USP6NL: variants seen among roughly 807,000 people sequenced by gnomAD.
USP6NL encodes USP6 N-terminal-like protein.
USP6NL carries 26 observed loss-of-function variants against 61.9 expected under a neutral mutation model. The ratio of observed to expected loss-of-function variants is 0.42; its 90% confidence interval spans 0.31 to 0.58. The LOEUF is 0.58. Among genes scored for constraint, USP6NL ranks in the 20% least tolerant of loss-of-function variants. The pLI is 0.16. For missense variants in USP6NL, 1,114 were observed against 1,034.3 expected (o/e 1.08, Z -1.06); for synonymous variants, 432 against 390.1 (o/e 1.11, Z -1.27).
At position 11,507,444 on chromosome 10, in the gene USP6NL, C is replaced by T. The variant is rs2133334147; in HGVS notation, c.276+2151G>A. On this transcript the variant is annotated intron_variant, in intron 6 of 14. Coordinates refer to ENST00000609104, the MANE Select transcript of USP6NL (RefSeq NM_014688.5). ...CTGAGTTCTAAACCTAATGCTAAAA[C>T]AGACAGTTAATAAAATCAACCACCC... is the stretch of plus-strand genomic sequence containing the variant. 2.6e-5 allele frequency among the ~76,000 whole-genome samples: 4 copies of T among 152,252 alleles called. 1 individual carries two copies. The Middle Eastern group carries it at 0.01, about 388-fold the overall frequency.
In USP6NL at chr10:11,489,349, G is replaced by T; in HGVS notation, c.544-127C>A. On this transcript the variant is annotated intron_variant, in intron 9 of 14. Coordinates refer to ENST00000609104, the MANE Select transcript of USP6NL (RefSeq NM_014688.5). This position sits in a 1 kb window ranked among gnomAD's most constrained non-coding sequence, Gnocchi z 5.7. ...ACATCATTTAATGGTCCATTCTAGA[G>T]ACAAATACTATACTCTTTACAGTAT... 1 of 1,222,762 alleles carries T rather than the reference G, an allele frequency of 8.2e-7. No individual in the cohort carries two copies. The highest frequency in any genetic ancestry group is 1.1e-6 in the Non-Finnish European group (1 of 893,420). The allele number at this position is 1,222,762 out of a possible 1,614,324, so 75.7% of individuals were successfully genotyped here. A position where few individuals can be genotyped will look rare whatever the true frequency, so the allele number is the denominator to read the frequency against.
intron 7 of USP6NL, among the ~76,000 whole-genome samples, chr10:11,497,066 A>T (rs1286587670): frequency 2.0e-5 from 3 of 151,464 alleles, no homozygotes; most frequent in East Asian, 3.9e-4. Context: ...TTGAAAAATA[A>T]ATCTGTACAT....
chr10:11,463,441 G>A lies in USP6NL; in HGVS notation c.1487C>T (p.Thr496Ile). Reference protein sequence around the residue: ...KWNKPSDVSATERTAKYTMEG... With the variant: ...KWNKPSDVSAIERTAKYTMEG... ...CATGGTGTATTTGGCAGTTCTCTCT[G>A]TAGCTGAGACGTCTGACGGTTTATT... Residue 496 changes from threonine (T) to isoleucine (I), a missense_variant, in exon 15 of 15, where the codon ACA becomes ATA. Coordinates refer to ENST00000609104, the MANE Select transcript of USP6NL (RefSeq NM_014688.5). This position sits in a 1 kb window ranked among gnomAD's most constrained non-coding sequence, Gnocchi z 6.3. The A allele has an allele frequency of 6.2e-7, 1 of 1,614,078 alleles. No individual in the cohort carries two copies. Among genetic ancestry groups the A allele is most frequent in the East Asian group, 2.2e-5 (1 of 44,888 alleles).
At chr10:11,480,392 A>G (rs1312772263) in intron 14 of USP6NL, among the ~76,000 whole-genome samples, 1 of 152,220 alleles carries the variant, frequency 6.6e-6, no homozygotes, top group Non-Finnish European at 1.5e-5. Flanking sequence ...GACTTTTACT[A>G]AAATTTGCCT....
chr10:11,584,304 C>T (rs1837893341), intron 2 of USP6NL, among the ~76,000 whole-genome samples: 1 of 152,172 alleles, frequency 6.6e-6, no homozygotes, highest in Non-Finnish European at 1.5e-5. Context: ...TTCATAAGTG[C>T]ACATACACAT....
intron 2 of USP6NL, chr10:11,573,893 A>C: frequency 2.7e-6 from 1 of 375,258 alleles, no homozygotes; most frequent in Non-Finnish European, 4.7e-6. Context: ...GATGGATTCA[A>C]AGTGATTTCA....
At position 11,518,996 on chromosome 10, in the gene USP6NL, ACTT is replaced by A. The variant is rs1214168411; in HGVS notation, c.156-425_156-423del. Among the ~76,000 whole-genome samples, 1 of 152,200 alleles carries A rather than the reference ACTT, an allele frequency of 6.6e-6. No homozygotes were observed. Among genetic ancestry groups the A allele is most frequent in the African/African-American group, 2.4e-5 (1 of 41,432 alleles). On this transcript the variant is annotated intron_variant, in intron 4 of 14. Coordinates refer to ENST00000609104, the MANE Select transcript of USP6NL (RefSeq NM_014688.5). The surrounding 1 kb of genome is among the most constrained non-coding windows in gnomAD (Gnocchi z 5.3). ...ACTGCTCCAGACTAGGAGTGAGCAA[ACTT>A]CTTCTCGCAAGATAAATATTTAAAC...
chr10:11,524,325 T>C (rs1835338044), intron 4 of USP6NL, among the ~76,000 whole-genome samples: 1 of 152,196 alleles, frequency 6.6e-6, no homozygotes, highest in Admixed American at 6.5e-5. Flanking sequence ...TTATAAAGTA[T>C]TCTTATATTT....
rs1834712964 is a variant in USP6NL at position 11,511,515 on chromosome 10, C to T, written c.196-1840G>A. Among the ~76,000 whole-genome samples the T allele has an allele frequency of 6.6e-6, 1 of 152,124 alleles. No individual in the cohort carries two copies. Among genetic ancestry groups the T allele is most frequent in the East Asian group, 1.9e-4 (1 of 5,198 alleles). ...CTTTTTTCCACCAACAGGAAAACACCAAATAATTCAAGCCAACCCAAGAGT... is the reference window on the plus strand; with the variant it reads ...CTTTTTTCCACCAACAGGAAAACACTAAATAATTCAAGCCAACCCAAGAGT... On this transcript the variant is annotated intron_variant, in intron 5 of 14. Coordinates refer to ENST00000609104, the MANE Select transcript of USP6NL (RefSeq NM_014688.5). This position sits in a 1 kb window ranked among gnomAD's most constrained non-coding sequence, Gnocchi z 4.9.
At chr10:11,593,886 T>G (rs1838236603) in intron 2 of USP6NL, among the ~76,000 whole-genome samples, 1 of 152,188 alleles carries the variant, frequency 6.6e-6, no homozygotes, top group Admixed American at 6.5e-5. Flanking sequence ...GCTATGACCA[T>G]GTTCTAGCGT....
chr10:11,510,191 T>C lies in USP6NL; in HGVS notation c.196-516A>G, dbSNP rs1249524443. Among the ~76,000 whole-genome samples, 1 of 152,080 alleles carries C rather than the reference T, an allele frequency of 6.6e-6. No homozygotes were observed. The highest frequency in any genetic ancestry group is 1.5e-5 in the Non-Finnish European group (1 of 68,006). On this transcript the variant is annotated intron_variant, in intron 5 of 14. Transcript: ENST00000609104. The surrounding 1 kb of genome is among the most constrained non-coding windows in gnomAD (Gnocchi z 4.8). ...TAAAACTAAGTACTAGTTGCTGCCC[T>C]AAAGAAATTTGACCAGGTGCTAAGG...
intron 2 of USP6NL, among the ~76,000 whole-genome samples, chr10:11,583,337 G>A (rs1350334886): frequency 1.3e-5 from 2 of 151,262 alleles, no homozygotes; most frequent in Admixed American, 1.3e-4. Flanking sequence ...ACAAGAGCCC[G>A]CCACTGTGGC....
intron 2 of USP6NL, among the ~76,000 whole-genome samples, chr10:11,582,588 C>T (rs751764406): frequency 1.3e-5 from 2 of 152,190 alleles, no homozygotes; most frequent in Admixed American, 6.5e-5. Flanking sequence ...CAACATTATC[C>T]TTCTCTCATA....
intron 7 of USP6NL, among the ~76,000 whole-genome samples, chr10:11,500,140 A>G (rs1834114977): frequency 6.6e-6 from 1 of 152,156 alleles, no homozygotes; most frequent in Non-Finnish European, 1.5e-5. Flanking sequence ...GCACATGATG[A>G]GGAACAAAAC....
chr10:11,596,074 G>A lies in USP6NL; in HGVS notation c.4+1557C>T, dbSNP rs185228439. 1.3e-5 allele frequency among the ~76,000 whole-genome samples: 2 copies of A among 152,100 alleles called. No individual in the cohort carries two copies. Among genetic ancestry groups the A allele is most frequent in the Non-Finnish European group, 2.9e-5 (2 of 68,004 alleles). ...AGTATACAAGACACCATCAAACACC[G>A]AAATTCAAACATGAAAGGCACAGGC... On this transcript the variant is annotated intron_variant, in intron 2 of 14. Transcript: ENST00000609104. This position sits in a 1 kb window ranked among gnomAD's most constrained non-coding sequence, Gnocchi z 4.1.
chr10:11,531,347 G>T (rs529870363), intron 2 of USP6NL, among the ~76,000 whole-genome samples: 4 of 151,068 alleles, frequency 2.6e-5, no homozygotes, highest in African/African-American at 9.7e-5. Context: ...TTTTGAGACC[G>T]AGTCTCACTC....
chr10:11,605,169 G>A (rs1022536540), intron 1 of USP6NL, among the ~76,000 whole-genome samples: 1 of 152,118 alleles, frequency 6.6e-6, no homozygotes, highest in Non-Finnish European at 1.5e-5. Flanking sequence ...GGAACCTTGA[G>A]GCTTCTTTAG....
intron 2 of USP6NL, chr10:11,573,709 C>T (rs565041996): frequency 8.3e-5 from 33 of 398,788 alleles, no homozygotes; most frequent in African/African-American, 4.7e-4. Flanking sequence ...ACTCCAGCTG[C>T]TTCCTCTAGA....
At chr10:11,584,818 G>T (rs200161922) in intron 2 of USP6NL, among the ~76,000 whole-genome samples, 1 of 152,158 alleles carries the variant, frequency 6.6e-6, no homozygotes, top group East Asian at 1.9e-4. Flanking sequence ...CACACCTGTA[G>T]TCCCAGCTAC....
Sources: gnomAD v4.1 joint callset for allele counts (sites outside exome capture counted in the v4.1 genomes callset) on GRCh38, gnomAD v4.1.1 for gene constraint, Gnocchi (gnomAD v3.1) non-coding constraint, MANE v1.5 for transcripts, NCBI Gene and HGNC (gene_info 2026-07-23, HGNC 2026-07-21) for gene names.